Variants in DTX2 observed in about 807,000 individuals in gnomAD.
DTX2 encodes the protein probable E3 ubiquitin-protein ligase DTX2.
A neutral mutation model predicts 55.3 loss-of-function variants in DTX2; 29 were observed. The ratio of observed to expected loss-of-function variants is 0.52; its 90% CI spans 0.39 to 0.71. The LOEUF is 0.71. Ranked by LOEUF, DTX2 falls within the 30% of genes least tolerant of loss-of-function variation. The pLI is 0.00. For missense variants in DTX2, 537 were observed against 822.5 expected, an observed-to-expected ratio of 0.65 and a Z score of 4.25; for synonymous variants, 276 against 340.4, an observed-to-expected ratio of 0.81 and a Z score of 2.08.
At chr7:76,502,650 G>C (rs1811867681) in intron 8 of DTX2, among the ~76,000 whole-genome samples, 194 bp downstream of exon 8, 1 of 152,144 alleles carries the variant, frequency 6.6e-6, no homozygotes, top group African/African-American at 2.4e-5. Flanking sequence ...ACTCTTCTAG[G>C]TCTGCCCCAC....
Position 76,483,072 on chromosome 7 carries a change from C to T in DTX2, c.833C>T (p.Pro278Leu). 1 of 1,613,158 alleles carries T rather than the reference C, an allele frequency of 6.2e-7. No homozygotes were observed. Among genetic ancestry groups the T allele is most frequent in the Non-Finnish European group, 8.5e-7 (1 of 1,179,768 alleles). ...GCTCCTCCTTCCCTGGGGAGCCAGC[C>T]CCTCTACCGCTCCAGCCTCTCCCAC... ...GAAPPSLGSQ[P>L]LYRSSLSHLG... Residue 278 changes from proline (P) to leucine (L), a missense_variant, in exon 4 of 11, where the codon CCC becomes CTC. Transcript: ENST00000430490.
chr7:76,469,414 A>T, intron 2 of DTX2, among the ~76,000 whole-genome samples: 2 of 103,180 alleles, frequency 1.9e-5, no homozygotes, highest in Non-Finnish European at 1.9e-5. Flanking sequence ...TTTTTTTGAG[A>T]CGGATTCTCA....
At chr7:76,474,040 G>A (rs1391336285) in intron 2 of DTX2, among the ~76,000 whole-genome samples, 2 of 145,320 alleles carry the variant, frequency 1.4e-5, no homozygotes, top group African/African-American at 5.1e-5. Context: ...TCCTGCCTCA[G>A]CCTCCCTAGT....
chr7:76,482,921 C>T lies in DTX2; in HGVS notation c.682C>T (p.Gln228Ter). 1 of 1,613,888 alleles carries T rather than the reference C, an allele frequency of 6.2e-7. No individual in the cohort carries two copies. The highest frequency in any genetic ancestry group is 8.5e-7 in the Non-Finnish European group (1 of 1,179,784). Residue 228 changes from glutamine to a stop codon, truncating the protein, a stop_gained, in exon 4 of 11, where the codon CAG (glutamine) becomes TAG (stop). Coordinates refer to ENST00000430490, the MANE Select transcript of DTX2 (RefSeq NM_001102594.3). LOFTEE classifies it high-confidence loss of function. Reference protein sequence around the residue: ...MTNLPAYPVPQHPPHRTASVF... With the variant: ...MTNLPAYPVP ...CAACCTCCCTGCATACCCCGTCCCC[C>T]AGCACCCCCCACACAGGACCGCTTC...
In DTX2 at chr7:76,482,853, G is replaced by A. The variant is rs768512774; in HGVS notation, c.614G>A (p.Ser205Asn). The change falls in exon 4 of 11, where the codon AGC becomes AAC. Residue 205 changes from serine (S) to asparagine (N), a missense_variant. Physicochemically the swap from Ser to Asn is conservative, Grantham distance 46 (BLOSUM62 1). Around this residue, in one of 7 missense-constraint regions of DTX2, gnomAD observed 301 missense variants for 396.6 expected, o/e 0.76. Transcript: ENST00000430490. ...ACSCHQCLSG[S>N]RTGPVSGRYR... Reference sequence around the variant, plus strand: ...TCTTGCCACCAGTGCCTCAGTGGCAGCAGAACTGGCCCCGTGTCAGGCCGC... The same window carrying A: ...TCTTGCCACCAGTGCCTCAGTGGCAACAGAACTGGCCCCGTGTCAGGCCGC... The A allele has an allele frequency of 1.9e-6, 3 of 1,613,638 alleles. No individual in the cohort carries two copies. Among genetic ancestry groups the A allele is most frequent in the South Asian group, 2.2e-5 (2 of 91,074 alleles).
At chr7:76,481,388 C>T (rs1216183373) in intron 3 of DTX2, among the ~76,000 whole-genome samples, 3 of 152,046 alleles carry the variant, frequency 2.0e-5, no homozygotes, top group Admixed American at 6.6e-5. Context: ...GGTTTTGCCA[C>T]GTTGGCCAGG....
At chr7:76,463,323 TTTTG>T (rs1218413418) in intron 1 of DTX2, 7 of 152,062 alleles carry the variant, frequency 4.6e-5, no homozygotes, top group African/African-American at 1.4e-4. Context: ...CTCAGGGTTT[TTTTG>T]TTTGTTTGCT....
In DTX2 at chr7:76,482,677, C is replaced by G. The variant is rs1638075; in HGVS notation, c.438C>G (p.Ala146=). Residue 146 remains alanine, a synonymous_variant, in exon 4 of 11, where the codon GCC becomes GCG. Coordinates refer to ENST00000430490, the MANE Select transcript of DTX2 (RefSeq NM_001102594.3). The stretch of plus-strand genomic sequence containing the variant: ...GGGGCAACCAGCTCGTGGACTTGGC[C>G]CCCCTGGGGTACAACTACACTGTCA... ...VARGNQLVDL[A]PLGYNYTVNY... The G allele has an allele frequency of 0.22, 350,111 of 1,613,134 alleles. 40,515 individuals carry two copies. Among genetic ancestry groups the G allele is most frequent in the Middle Eastern group, 0.3 (1,792 of 6,042 alleles).
At chr7:76,481,961 G>A (rs550011717) in intron 3 of DTX2, among the ~76,000 whole-genome samples, 5 of 151,914 alleles carry the variant, frequency 3.3e-5, no homozygotes, top group Admixed American at 3.3e-4. Flanking sequence ...GCCTCCGAAA[G>A]TGTTGGGATT....
intron 2 of DTX2, among the ~76,000 whole-genome samples, chr7:76,467,663 T>G (rs868077643): frequency 5.1e-4 from 71 of 139,274 alleles, no homozygotes; most frequent in Middle Eastern, 3.5e-3. Context: ...TTTCTGGGTC[T>G]GGTTTGAAGT....
intron 2 of DTX2, among the ~76,000 whole-genome samples, chr7:76,464,278 G>C (rs2116071692): frequency 6.7e-6 from 1 of 149,926 alleles, no homozygotes; most frequent in South Asian, 2.1e-4. Flanking sequence ...GCAAAGTCAT[G>C]AAGCTACCGG....
At chr7:76,500,118 G>T (rs1208803660) in intron 6 of DTX2, 1 of 345,384 alleles carries the variant, frequency 2.9e-6, no homozygotes, top group South Asian at 2.1e-5. Flanking sequence ...CCTCAGAAGC[G>T]CCGGGGTCGG....
intron 2 of DTX2, among the ~76,000 whole-genome samples, chr7:76,479,968 G>A (rs997184902): frequency 2.7e-5 from 4 of 149,456 alleles, no homozygotes; most frequent in African/African-American, 7.5e-5. Context: ...CAAAGAGACA[G>A]GATCAGGTTC....
At chr7:76,504,012 C>T (rs1461236256) in intron 9 of DTX2, among the ~76,000 whole-genome samples, 3 of 148,398 alleles carry the variant, frequency 2.0e-5, no homozygotes, top group Admixed American at 1.4e-4. Flanking sequence ...GCACAAGGCC[C>T]CAGAGTCCCA....
intron 4 of DTX2, among the ~76,000 whole-genome samples, chr7:76,486,864 T>TGCC (rs1809969559): frequency 7.4e-6 from 1 of 134,474 alleles, no homozygotes; most frequent in African/African-American, 2.9e-5. Context: ...CTGCTGCTGC[T>TGCC]GCTGCTGCTG....
In DTX2 at chr7:76,482,526, G is replaced by A. The variant is rs1809353619; in HGVS notation, c.287G>A (p.Arg96Gln). The A allele has an allele frequency of 3.7e-6, 6 of 1,605,364 alleles. No individual in the cohort carries two copies. The highest frequency in any genetic ancestry group is 1.3e-5 in the African/African-American group (1 of 74,802). ...AAAATAGGCACCATGCGGGCTGTGC[G>A]GAGACACCTGTTCCCCCAGCACTCA... ...RQDTGTMRAV[R>Q]RHLFPQHSAP... The change falls in exon 4 of 11, where the codon CGG becomes CAG. Residue 96 changes from arginine to glutamine, a missense_variant. Coordinates refer to ENST00000430490, the MANE Select transcript of DTX2 (RefSeq NM_001102594.3).
chr7:76,493,815 A>G (rs1429083434), intron 5 of DTX2, among the ~76,000 whole-genome samples: 30 of 98,950 alleles, frequency 3.0e-4, no homozygotes, highest in Middle Eastern at 4.8e-3. Context: ...GGGGGTTGTG[A>G]GGGGGGATTG....
At chr7:76,474,377 C>T (rs1808309037) in intron 2 of DTX2, among the ~76,000 whole-genome samples, 1 of 151,978 alleles carries the variant, frequency 6.6e-6, no homozygotes, top group African/African-American at 2.4e-5. Context: ...TGACGGACAG[C>T]ATATAATCAC....
At chr7:76,480,917 G>A (rs375217866) in intron 3 of DTX2, 140 bp downstream of exon 3, 42,011 of 999,672 alleles carry the variant, frequency 0.042, 2,271 homozygotes, top group African/African-American at 0.22. Context: ...GTGGGTGGGT[G>A]CAGTGAGTGG....
Sources: allele counts gnomAD v4.1 joint callset (sites outside exome capture counted in the v4.1 genomes callset), GRCh38; gene constraint gnomAD v4.1.1; regional missense constraint gnomAD v4.1.1; transcripts MANE v1.5; gene names NCBI Gene and HGNC (gene_info 2026-07-23, HGNC 2026-07-21).